MALRD1: variants seen among roughly 807,000 people sequenced by gnomAD.
MALRD1 encodes MAM and LDL-receptor class A domain-containing protein 1.
A neutral mutation model predicts 242.1 loss-of-function variants in MALRD1; 247 were observed. That is an observed-to-expected ratio of 1.02 (90% CI 0.92 to 1.13). MALRD1 has a LOEUF of 1.13. Ranked by LOEUF, MALRD1 falls within the 50% of genes most tolerant of loss-of-function variation. The pLI, the probability that MALRD1 is intolerant of heterozygous loss-of-function variation, is 0.00. For missense variants in MALRD1, 2,989 were observed against 2,533.1 expected (o/e 1.18, Z -3.86); for synonymous variants, 995 against 866.6 (o/e 1.15, Z -2.60).
intron 28 of MALRD1, among the ~76,000 whole-genome samples, chr10:19,436,815 G>C (rs1834368277): frequency 6.6e-6 from 1 of 152,132 alleles, no homozygotes; most frequent in South Asian, 2.1e-4. Context: ...ATGCTGTTAA[G>C]TTGTATGAGT....
intron 32 of MALRD1, among the ~76,000 whole-genome samples, chr10:19,542,740 C>G (rs1209117044): frequency 6.6e-6 from 1 of 152,012 alleles, no homozygotes; most frequent in Admixed American, 6.6e-5. Flanking sequence ...CAGAGAGAAA[C>G]CATAATCTTC....
intron 38 of MALRD1, among the ~76,000 whole-genome samples, chr10:19,723,372 C>T (rs150888190): frequency 1.3e-3 from 202 of 152,102 alleles, no homozygotes; most frequent in African/African-American, 4.5e-3. Flanking sequence ...CACCAAAATA[C>T]GACAGAAATA....
intron 38 of MALRD1, among the ~76,000 whole-genome samples, chr10:19,719,649 T>C (rs1451096136): frequency 6.6e-6 from 1 of 152,224 alleles, no homozygotes; most frequent in East Asian, 1.9e-4. Flanking sequence ...TCTTTTCCTC[T>C]GCGTTTTGTG....
intron 21 of MALRD1, chr10:19,290,091 T>C (rs1330877516): frequency 6.6e-6 from 1 of 152,178 alleles, no homozygotes; most frequent in African/African-American, 2.4e-5. Flanking sequence ...ACTGTGTAGT[T>C]GAGTCTTAGG....
chr10:19,096,194 C>G (rs1002670389), intron 4 of MALRD1, among the ~76,000 whole-genome samples: 1 of 152,118 alleles, frequency 6.6e-6, no homozygotes, highest in Non-Finnish European at 1.5e-5. Flanking sequence ...CCTTGTTTTG[C>G]TCAGCTTCCT....
rs1837836884 is a variant in MALRD1 at position 19,227,195 on chromosome 10, T to C, written c.2991+17515T>C. Among the ~76,000 whole-genome samples the C allele has an allele frequency of 2.0e-5, 3 of 151,868 alleles. No homozygotes were observed. The South Asian group carries it at 6.2e-4, about 32-fold the overall frequency. On this transcript the variant is annotated intron_variant, in intron 18 of 39. Coordinates refer to ENST00000454679, the MANE Select transcript of MALRD1 (RefSeq NM_001142308.3). ...CGGAAGTCCAAGAATAGCCAGAGCA[T>C]GTTTTAGAAAGAATAAAGTTGGAAA... is the stretch of plus-strand genomic sequence containing the variant.
intron 11 of MALRD1, among the ~76,000 whole-genome samples, chr10:19,154,092 A>G (rs919952234): frequency 6.6e-6 from 1 of 152,148 alleles, no homozygotes; most frequent in Non-Finnish European, 1.5e-5. Context: ...GCTCGCATGC[A>G]CTGTTTCCAT....
At chr10:19,475,138 G>A (rs1198391393) in intron 29 of MALRD1, among the ~76,000 whole-genome samples, 1 of 152,308 alleles carries the variant, frequency 6.6e-6, no homozygotes, top group Admixed American at 6.5e-5. Flanking sequence ...CTTTCTGGCC[G>A]GGCGCAGTGG....
At chr10:19,335,196 T>A in intron 24 of MALRD1, among the ~76,000 whole-genome samples, 1 of 150,690 alleles carries the variant, frequency 6.6e-6, no homozygotes, top group South Asian at 2.1e-4. Flanking sequence ...TTTTTTGTTT[T>A]TTTTTTTTTT....
chr10:19,708,304 GT>G lies in MALRD1; in HGVS notation c.6314+15761del, dbSNP rs1337164103. On this transcript the variant is annotated intron_variant, in intron 38 of 39. Coordinates refer to ENST00000454679, the MANE Select transcript of MALRD1 (RefSeq NM_001142308.3). ...ACCATGACTACATATGATGTTATGT[GT>G]TTTTTTTTTTAACCTTCTTTTTCTT... 5.5e-4 allele frequency among the ~76,000 whole-genome samples: 53 copies of G among 95,820 alleles called. 6 individuals carry two copies. The highest frequency in any genetic ancestry group is 1.3e-3 in the East Asian group (4 of 3,132). The allele number at this position is 95,820 out of a possible 152,430, so 62.9% of individuals were successfully genotyped here. A position where few individuals can be genotyped will look rare whatever the true frequency, so the allele number is the denominator to read the frequency against.
At chr10:19,643,178 T>C (rs1840472978) in intron 36 of MALRD1, among the ~76,000 whole-genome samples, 1 of 152,118 alleles carries the variant, frequency 6.6e-6, no homozygotes, top group Non-Finnish European at 1.5e-5. Context: ...ACGCCTGTAA[T>C]CCCAGCACTT....
intron 21 of MALRD1, among the ~76,000 whole-genome samples, chr10:19,298,674 A>G (rs1841817591): frequency 6.6e-6 from 1 of 151,856 alleles, no homozygotes; most frequent in Admixed American, 6.6e-5. Flanking sequence ...GAGACACAAG[A>G]ATGTGTCTTG....
intron 33 of MALRD1, among the ~76,000 whole-genome samples, chr10:19,578,362 T>A (rs1836933538): frequency 6.6e-6 from 1 of 152,136 alleles, no homozygotes; most frequent in Non-Finnish European, 1.5e-5. Flanking sequence ...TTTTCACCAA[T>A]GTAAAGTTGC....
intron 29 of MALRD1, among the ~76,000 whole-genome samples, chr10:19,483,658 A>G (rs1469942855): frequency 6.6e-6 from 1 of 151,988 alleles, no homozygotes; most frequent in Non-Finnish European, 1.5e-5. Flanking sequence ...CTGGTGAGGT[A>G]ATGCTTATAC....
chr10:19,683,636 G>A (rs728974), intron 36 of MALRD1, among the ~76,000 whole-genome samples: 50,734 of 151,986 alleles, frequency 0.33, 8,771 homozygotes, highest in South Asian at 0.45. Context: ...GAGGCTTAAT[G>A]TGATAAACGG....
intron 36 of MALRD1, among the ~76,000 whole-genome samples, chr10:19,680,881 A>G (rs752433610): frequency 6.6e-6 from 1 of 151,936 alleles, no homozygotes; most frequent in Non-Finnish European, 1.5e-5. Flanking sequence ...GATTTTATTA[A>G]TATTTCTCTT....
intron 38 of MALRD1, among the ~76,000 whole-genome samples, chr10:19,718,085 TAGAAGA>T (rs202192875): frequency 2.6e-4 from 27 of 105,776 alleles, no homozygotes; most frequent in East Asian, 2.3e-3. Flanking sequence ...GAGGAATAAG[TAGAAGA>T]AGAAGAAGAG....
intron 33 of MALRD1, among the ~76,000 whole-genome samples, chr10:19,585,364 C>T (rs956424710): frequency 1.3e-4 from 19 of 151,754 alleles, no homozygotes; most frequent in South Asian, 2.1e-4. Flanking sequence ...TGGCTGGTAC[C>T]GGTTGTTCCT....
Position 19,387,757 on chromosome 10 carries a change from A to G in MALRD1, c.4671A>G (p.Thr1557=), listed in dbSNP as rs1791096752. ...HQSLRPPKDH[T]LGNENGHFMY... is the part of the protein sequence containing the mutation. ...GCTTAAGACCTCCCAAAGACCACAC[A>G]CTTGGAAATGAAAATGGTAGGTTAT... Residue 1557 remains threonine, a synonymous_variant, in exon 27 of 40, where the codon ACA becomes ACG. Coordinates refer to ENST00000454679, the MANE Select transcript of MALRD1 (RefSeq NM_001142308.3). The G allele has an allele frequency of 1.3e-6, 2 of 1,547,900 alleles. No individual in the cohort carries two copies. The highest frequency in any genetic ancestry group is 2.0e-5 in the Admixed American group (1 of 50,340).
Sources: gnomAD v4.1 joint callset for allele counts (sites outside exome capture counted in the v4.1 genomes callset) on GRCh38, gnomAD v4.1.1 for gene constraint, MANE v1.5 for transcripts, NCBI Gene and HGNC (gene_info 2026-07-23, HGNC 2026-07-21) for gene names.